The following MITF variants were observed in gnomAD, a reference collection of about 807,000 sequenced individuals.
MITF encodes the protein melanocyte inducing transcription factor, also known as microphthalmia-associated transcription factor.
Under a neutral mutation model 60.5 loss-of-function variants are expected in MITF, and 17 were observed. The observed-to-expected ratio is 0.28, with a 90% confidence interval of 0.19 to 0.42. The LOEUF (loss-of-function observed/expected upper bound fraction) is 0.42. MITF is among the 10% of genes least tolerant of loss of function. The pLI is 1.00. For synonymous variants in MITF, 260 were observed against 248.5 expected, an observed-to-expected ratio of 1.05 and a Z score of -0.43; for missense variants, 622 against 683.5, an observed-to-expected ratio of 0.91 and a Z score of 1.00.
Position 69,859,526 on chromosome 3 carries a change from T to C in MITF, c.105-19608T>C, listed in dbSNP as rs894682573. ...GATGTCCTGGGATCTCCTAATGAGATGGAATCAAGGGAAGGGTGGGTTCAT... is the reference window on the plus strand; with the variant it reads ...GATGTCCTGGGATCTCCTAATGAGACGGAATCAAGGGAAGGGTGGGTTCAT... On this transcript the variant is annotated intron_variant, in intron 1 of 9. Coordinates refer to ENST00000352241, the MANE Select transcript of MITF (RefSeq NM_001354604.2). Among the ~76,000 whole-genome samples, 11 of 152,178 alleles carry C rather than the reference T, an allele frequency of 7.2e-5. No homozygotes were observed. The South Asian group carries it at 1.7e-3, about 23-fold the overall frequency.
chr3:69,821,690 T>TA lies in MITF; in HGVS notation c.105-57428dup, dbSNP rs72371556. Among the ~76,000 whole-genome samples the TA allele has an allele frequency of 3.8e-3, 427 of 113,218 alleles. 2 individuals carry two copies. The highest frequency in any genetic ancestry group is 0.01 in the African/African-American group (316 of 30,402). The allele number at this position is 113,218 out of a possible 152,430, so 74.3% of individuals were successfully genotyped here. On this transcript the variant is annotated intron_variant, in intron 1 of 9. Coordinates refer to ENST00000352241, the MANE Select transcript of MITF (RefSeq NM_001354604.2). ...CATTTAGAAAAGGAAAAAAAAAAAC[T>TA]AAAAAAAAAAAAAAAAGCAAAAGTT...
intron 1 of MITF, among the ~76,000 whole-genome samples, chr3:69,855,260 CAAAAAAAAAA>C (rs33962275): frequency 1.2e-5 from 1 of 84,604 alleles, no homozygotes; most frequent in Non-Finnish European, 2.3e-5. Flanking sequence ...TTCCCATAAG[CAAAAAAAAAA>C]AAAAAAAAAC....
chr3:69,848,957 CTTTTTT>C (rs55969316), intron 1 of MITF, among the ~76,000 whole-genome samples: 1,111 of 73,326 alleles, frequency 0.015, 14 homozygotes, highest in African/African-American at 0.054. Flanking sequence ...AAAGATTCTT[CTTTTTT>C]TTTTTTTTTT....
At chr3:69,954,798 G>A (rs1369724711) in intron 7 of MITF, among the ~76,000 whole-genome samples, 3 of 151,968 alleles carry the variant, frequency 2.0e-5, no homozygotes, top group Admixed American at 6.6e-5. Flanking sequence ...TATATAAAAC[G>A]GATTTCATCA....
chr3:69,912,736 TG>T (rs1292788719), intron 2 of MITF, among the ~76,000 whole-genome samples: 1 of 152,188 alleles, frequency 6.6e-6, no homozygotes, highest in Non-Finnish European at 1.5e-5. Context: ...GATCCTCTGT[TG>T]GTTAGAATAT....
At chr3:69,953,631 A>ATG (rs1559746471) in intron 7 of MITF, among the ~76,000 whole-genome samples, 63 of 65,670 alleles carry the variant, frequency 9.6e-4, no homozygotes, top group African/African-American at 5.9e-3. Flanking sequence ...ATATGTGTGT[A>ATG]TATATATATA....
intron 3 of MITF, chr3:69,938,829 A>G (rs934860947): frequency 2.1e-6 from 3 of 1,403,234 alleles, no homozygotes; most frequent in African/African-American, 2.9e-5. Context: ...CAACTTTTCT[A>G]GAGTTGGATT....
At chr3:69,888,122 A>G (rs2064667831) in intron 2 of MITF, among the ~76,000 whole-genome samples, 1 of 152,116 alleles carries the variant, frequency 6.6e-6, no homozygotes, top group Non-Finnish European at 1.5e-5. Flanking sequence ...CCTTACTACC[A>G]TGCATAACTC....
intron 1 of MITF, among the ~76,000 whole-genome samples, chr3:69,777,148 AG>A (rs2062487423): frequency 6.6e-6 from 1 of 152,216 alleles, no homozygotes; most frequent in Non-Finnish European, 1.5e-5. Context: ...AATGACTCAT[AG>A]GAAACATCAG....
intron 2 of MITF, 36 bp downstream of exon 2, chr3:69,879,419 T>G (rs1162972253): frequency 1.2e-6 from 2 of 1,613,898 alleles, no homozygotes; most frequent in Non-Finnish European, 1.7e-6. Context: ...TGGACCAAAC[T>G]CTCTTCCATT....
chr3:69,834,846 C>CTTTTTTTTTT, intron 1 of MITF, among the ~76,000 whole-genome samples: 1 of 129,670 alleles, frequency 7.7e-6, no homozygotes, highest in African/African-American at 2.9e-5. Flanking sequence ...GTTTTCTTTT[C>CTTTTTTTTTT]TTTTTTTTTT....
chr3:69,907,337 A>G (rs1271198194), intron 2 of MITF, among the ~76,000 whole-genome samples: 1 of 152,022 alleles, frequency 6.6e-6, no homozygotes, highest in Non-Finnish European at 1.5e-5. Context: ...AAACTGGTTG[A>G]ATAAATAAAT....
chr3:69,790,868 C>T (rs914056757), intron 1 of MITF, among the ~76,000 whole-genome samples: 5 of 152,142 alleles, frequency 3.3e-5, no homozygotes, highest in Non-Finnish European at 7.4e-5. Flanking sequence ...CCCAAGTCCT[C>T]GTGCAGATAT....
At chr3:69,940,202 C>T (rs1291421836) in intron 4 of MITF, among the ~76,000 whole-genome samples, 1 of 152,086 alleles carries the variant, frequency 6.6e-6, no homozygotes, top group Non-Finnish European at 1.5e-5. Context: ...GAGGCTTTGC[C>T]CTAATCTAGA....
At chr3:69,819,564 G>A (rs566849217) in intron 1 of MITF, among the ~76,000 whole-genome samples, 7 of 152,236 alleles carry the variant, frequency 4.6e-5, no homozygotes, top group Admixed American at 4.6e-4. Flanking sequence ...TCTTCTCCTG[G>A]TAATAGCCGT....
chr3:69,795,718 C>T (rs935433066), intron 1 of MITF, among the ~76,000 whole-genome samples: 1 of 151,950 alleles, frequency 6.6e-6, no homozygotes, highest in African/African-American at 2.4e-5. Flanking sequence ...AGAGTGAAAC[C>T]GTGTTTCAGA....
intron 1 of MITF, among the ~76,000 whole-genome samples, chr3:69,854,309 T>C (rs1302976333): frequency 6.6e-6 from 1 of 152,224 alleles, no homozygotes; most frequent in Non-Finnish European, 1.5e-5. Context: ...GTCCTTGGTA[T>C]CCTTGGGGGA....
intron 7 of MITF, among the ~76,000 whole-genome samples, chr3:69,954,859 G>C (rs1447593222): frequency 1.3e-5 from 2 of 152,078 alleles, no homozygotes; most frequent in African/African-American, 4.8e-5. Flanking sequence ...TGGGAAAGCA[G>C]GGAATCACAT....
In MITF at chr3:69,757,258, G is replaced by T. The variant is rs983870116; in HGVS notation, c.104+17557G>T. ...TATATATATATTCATACAAACATAT[G>T]TAGGATTCTCAAGGCAGTGTTTTTC... On this transcript the variant is annotated intron_variant, in intron 1 of 9. Coordinates refer to ENST00000352241, the MANE Select transcript of MITF (RefSeq NM_001354604.2). Among the ~76,000 whole-genome samples, 16 of 152,254 alleles carry T rather than the reference G, an allele frequency of 1.1e-4. No homozygotes were observed. In the East Asian group the frequency reaches 3.1e-3, roughly 29 times the overall value.
Sources: gnomAD v4.1 joint callset for allele counts (sites outside exome capture counted in the v4.1 genomes callset) on GRCh38, gnomAD v4.1.1 for gene constraint, MANE v1.5 for transcripts, NCBI Gene and HGNC (gene_info 2026-07-23, HGNC 2026-07-21) for gene names.